Variants in PHACTR1 observed in about 807,000 individuals in gnomAD.
PHACTR1 encodes RPEL repeat containing 1.
A neutral mutation model predicts 69.2 loss-of-function variants in PHACTR1; 16 were observed. The observed-to-expected ratio is 0.23, with a 90% CI of 0.16 to 0.35. The LOEUF (loss-of-function observed/expected upper bound fraction) is 0.35. Ranked by LOEUF, PHACTR1 falls within the 10% of genes least tolerant of loss-of-function variation. The probability of loss-of-function intolerance (pLI) is 1.00; values close to 1 mark genes in which losing one functional copy is unlikely to be tolerated. For missense variants in PHACTR1, 510 were observed against 734.7 expected (o/e 0.69, Z 3.54); for synonymous variants, 312 against 284.5 (o/e 1.10, Z -0.97).
intron 10 of PHACTR1, among the ~76,000 whole-genome samples, chr6:13,250,668 G>A (rs1225997758): frequency 6.6e-6 from 1 of 152,216 alleles, no homozygotes; most frequent in Admixed American, 6.5e-5. Context: ...ATATCAGCAG[G>A]TGTGAGAAGT....
chr6:12,825,467 AT>A (rs1338783207), intron 4 of PHACTR1, among the ~76,000 whole-genome samples: 15 of 152,260 alleles, frequency 9.9e-5, no homozygotes, highest in African/African-American at 3.6e-4. Flanking sequence ...ATTTGGAGAC[AT>A]ACCAGCATGT....
intron 4 of PHACTR1, among the ~76,000 whole-genome samples, chr6:13,046,809 T>A (rs1205499728): frequency 3.4e-5 from 5 of 146,200 alleles, no homozygotes; most frequent in Admixed American, 1.4e-4. Flanking sequence ...TTTTACTCTT[T>A]AAAAAAAAAA....
chr6:12,817,065 A>G (rs1196978630), intron 4 of PHACTR1, among the ~76,000 whole-genome samples: 2 of 152,140 alleles, frequency 1.3e-5, no homozygotes, highest in African/African-American at 4.8e-5. Context: ...TAACGGCAGG[A>G]TTTTTATGGT....
intron 5 of PHACTR1, among the ~76,000 whole-genome samples, chr6:13,127,562 C>G (rs1360867616): frequency 4.6e-5 from 7 of 151,994 alleles, no homozygotes; most frequent in Admixed American, 4.6e-4. Context: ...AGAGAGAGAC[C>G]CTGTAAAAAA....
At chr6:13,043,291 G>A (rs1804478601) in intron 4 of PHACTR1, among the ~76,000 whole-genome samples, 1 of 152,236 alleles carries the variant, frequency 6.6e-6, no homozygotes, top group African/African-American at 2.4e-5. Context: ...GCTGGGCGTG[G>A]TGGTGTGCAC....
chr6:13,283,293 T>G lies in PHACTR1; in HGVS notation c.1510-129T>G. On this transcript the variant is annotated intron_variant, in intron 12 of 14. Transcript: ENST00000332995. The surrounding 1 kb of genome is among the most constrained non-coding windows in gnomAD (Gnocchi z 4.7). ...CTGGCCCTCCCCCTGCCCCTGCCCCTCACTCACTATGCGATGCATCCATCG... is the reference window on the plus strand; with the variant it reads ...CTGGCCCTCCCCCTGCCCCTGCCCCGCACTCACTATGCGATGCATCCATCG... 5.8e-6 allele frequency: 2 copies of G among 345,150 alleles called. No homozygotes were observed. Among genetic ancestry groups the G allele is most frequent in the Non-Finnish European group, 1.1e-5 (2 of 188,750 alleles). 21.4% of individuals were successfully genotyped at this position (345,150 alleles called of 1,614,324 possible). A position where few individuals can be genotyped will look rare whatever the true frequency, so the allele number is the denominator to read the frequency against.
At chr6:12,985,458 T>G (rs1454311264) in intron 4 of PHACTR1, among the ~76,000 whole-genome samples, 1 of 151,340 alleles carries the variant, frequency 6.6e-6, no homozygotes. Flanking sequence ...TGTACTTTAA[T>G]GTATTTAAAT....
chr6:13,138,165 G>A (rs1269012447), intron 5 of PHACTR1, among the ~76,000 whole-genome samples: 3 of 152,160 alleles, frequency 2.0e-5, no homozygotes, highest in Non-Finnish European at 4.4e-5. Context: ...ATGTGATGAG[G>A]CCATCTGTGT....
chr6:13,010,408 G>C (rs116437801), intron 4 of PHACTR1, among the ~76,000 whole-genome samples: 1 of 152,128 alleles, frequency 6.6e-6, no homozygotes, highest in South Asian at 2.1e-4. Flanking sequence ...GATTACAGGC[G>C]TGAGCCATCA....
chr6:13,053,327 T>TC, intron 4 of PHACTR1, 38 bp from the exon 5 acceptor site: 1 of 1,551,046 alleles, frequency 6.4e-7, no homozygotes, highest in Non-Finnish European at 8.7e-7. Flanking sequence ...ACACTTTTTT[T>TC]CTCTCTTTGT....
chr6:13,095,119 A>G (rs770208423), intron 5 of PHACTR1, among the ~76,000 whole-genome samples: 1 of 152,202 alleles, frequency 6.6e-6, no homozygotes, highest in Non-Finnish European at 1.5e-5. Context: ...TTACCTTGCC[A>G]GCAACTTGAT....
chr6:12,816,642 C>G (rs1775623528), intron 4 of PHACTR1, among the ~76,000 whole-genome samples: 1 of 152,158 alleles, frequency 6.6e-6, no homozygotes, highest in African/African-American at 2.4e-5. Context: ...AGCAATAAAT[C>G]TTGTTTTTGT....
chr6:12,931,003 CAAA>C (rs34965562), intron 4 of PHACTR1, among the ~76,000 whole-genome samples: 12,275 of 86,086 alleles, frequency 0.14, 847 homozygotes, highest in African/African-American at 0.31. Context: ...AACTCTGTCT[CAAA>C]AAAAAAAAAA....
intron 4 of PHACTR1, among the ~76,000 whole-genome samples, chr6:12,790,511 G>C (rs1390192408): frequency 6.6e-6 from 1 of 152,196 alleles, no homozygotes; most frequent in Non-Finnish European, 1.5e-5. Flanking sequence ...CAGCCCTCTT[G>C]CTTTCGCATT....
chr6:12,912,585 A>T (rs1303431871), intron 4 of PHACTR1, among the ~76,000 whole-genome samples: 2 of 151,894 alleles, frequency 1.3e-5, no homozygotes, highest in East Asian at 3.9e-4. Flanking sequence ...CCACTCCCCC[A>T]CCCTGATAGC....
intron 4 of PHACTR1, among the ~76,000 whole-genome samples, chr6:12,989,762 G>T (rs1190618164): frequency 6.6e-6 from 1 of 152,220 alleles, no homozygotes; most frequent in African/African-American, 2.4e-5. Flanking sequence ...TTAGATCAAA[G>T]AAGCAGATGT....
intron 8 of PHACTR1, among the ~76,000 whole-genome samples, chr6:13,209,124 C>G (rs1408534880): frequency 1.3e-5 from 2 of 152,156 alleles, no homozygotes; most frequent in Admixed American, 6.5e-5. Flanking sequence ...CAGAGGCCCT[C>G]TTCCCAAACA....
chr6:12,835,789 T>A (rs1277670463), intron 4 of PHACTR1, among the ~76,000 whole-genome samples: 1 of 152,144 alleles, frequency 6.6e-6, no homozygotes, highest in African/African-American at 2.4e-5. Flanking sequence ...AAAAGTTAAG[T>A]AACATAAAAA....
chr6:13,094,080 C>T (rs1047567950), intron 5 of PHACTR1, among the ~76,000 whole-genome samples: 3 of 151,924 alleles, frequency 2.0e-5, no homozygotes, highest in Non-Finnish European at 4.4e-5. Context: ...AGTATGTTGC[C>T]CAGGCTGGTC....
Sources: allele counts gnomAD v4.1 joint callset (sites outside exome capture counted in the v4.1 genomes callset), GRCh38; gene constraint gnomAD v4.1.1; non-coding constraint Gnocchi (gnomAD v3.1); transcripts MANE v1.5; gene names NCBI Gene and HGNC (gene_info 2026-07-23, HGNC 2026-07-21).